TBCK: variants seen among roughly 807,000 people sequenced by gnomAD.
The protein encoded by TBCK is TBC1 domain containing kinase.
A neutral mutation model predicts 113.4 loss-of-function variants in TBCK; 99 were observed. The observed-to-expected ratio is 0.87, with a 90% CI of 0.74 to 1.03. The LOEUF (loss-of-function observed/expected upper bound fraction) is 1.03, where lower values mean the gene tolerates loss of function less well. Among genes scored for constraint, TBCK ranks in the 50% least tolerant of loss-of-function variants. TBCK has a pLI of 0.00. For missense variants in TBCK, 1,045 were observed against 1,061.3 expected (o/e 0.98, Z 0.21); for synonymous variants, 369 against 370.8 (o/e 1.00, Z 0.05).
chr4:106,044,398 T>A lies in TBCK; in HGVS notation c.*2172A>T, dbSNP rs892051188. ...ACAATGTTAGTGAAATCTTGGTATA[T>A]ATTTGTTCTCATTAATTCTCACATT... On this transcript the variant is annotated 3_prime_UTR_variant, in exon 26 of 26. Coordinates refer to ENST00000394708, the MANE Select transcript of TBCK (RefSeq NM_001163435.3). 3 of 152,238 alleles carry A rather than the reference T, an allele frequency of 2.0e-5. No individual in the cohort carries two copies. Among genetic ancestry groups the A allele is most frequent in the African/African-American group, 7.2e-5 (3 of 41,460 alleles). The allele number at this position is 152,238 out of a possible 1,614,324, so 9.4% of individuals were successfully genotyped here. A position where few individuals can be genotyped will look rare whatever the true frequency, so the allele number is the denominator to read the frequency against.
intron 3 of TBCK, among the ~76,000 whole-genome samples, chr4:106,291,578 A>G (rs891512764): frequency 6.6e-6 from 1 of 152,246 alleles, no homozygotes; most frequent in Non-Finnish European, 1.5e-5. Context: ...AAGTCTTCGC[A>G]GTTTTTCAAA....
chr4:106,171,497 A>G (rs1018786861), intron 22 of TBCK, among the ~76,000 whole-genome samples: 1 of 152,078 alleles, frequency 6.6e-6, no homozygotes, highest in Non-Finnish European at 1.5e-5. Flanking sequence ...AAATGTATCT[A>G]CTTATGTTTT....
chr4:106,096,844 T>C (rs1358924731), intron 24 of TBCK, among the ~76,000 whole-genome samples: 1 of 152,216 alleles, frequency 6.6e-6, no homozygotes, highest in African/African-American at 2.4e-5. Context: ...ATAAAATTTG[T>C]TCAGCCATCC....
chr4:106,214,682 A>G (rs974473470), intron 19 of TBCK, among the ~76,000 whole-genome samples: 1 of 152,156 alleles, frequency 6.6e-6, no homozygotes, highest in Non-Finnish European at 1.5e-5. Context: ...ATAAAAAGAA[A>G]CGAGCAAAGC....
At chr4:106,125,391 C>T (rs1745069936) in intron 23 of TBCK, among the ~76,000 whole-genome samples, 1 of 152,012 alleles carries the variant, frequency 6.6e-6, no homozygotes, top group South Asian at 2.1e-4. Flanking sequence ...TACTATTCAG[C>T]CATTAAAAAA....
At chr4:106,279,995 T>C (rs986144259) in intron 3 of TBCK, among the ~76,000 whole-genome samples, 2 of 152,172 alleles carry the variant, frequency 1.3e-5, no homozygotes, top group African/African-American at 4.8e-5. Context: ...TTTAGTTTTG[T>C]TGAGGAACCT....
chr4:106,070,785 G>A (rs761667983), intron 25 of TBCK, among the ~76,000 whole-genome samples: 13 of 151,960 alleles, frequency 8.6e-5, no homozygotes, highest in Non-Finnish European at 1.9e-4. Context: ...GACTTTTTTT[G>A]GTTGGTAGGC....
intron 22 of TBCK, 132 bp from the exon 23 acceptor site, chr4:106,171,402 T>TTA (rs1750995057): frequency 1.6e-6 from 1 of 607,854 alleles, no homozygotes; most frequent in South Asian, 2.5e-5. Context: ...AAAATGTCAG[T>TTA]AAAAAAAACA....
At chr4:106,169,191 T>G (rs1416925934) in intron 23 of TBCK, among the ~76,000 whole-genome samples, 1 of 152,104 alleles carries the variant, frequency 6.6e-6, no homozygotes, top group African/African-American at 2.4e-5. Flanking sequence ...AGCAAGTTAT[T>G]TTGTAGGTAT....
intron 1 of TBCK, among the ~76,000 whole-genome samples, chr4:106,313,207 G>A (rs1768380452): frequency 6.6e-6 from 1 of 152,158 alleles, no homozygotes; most frequent in Admixed American, 6.5e-5. Flanking sequence ...CTATCAACAA[G>A]TTAAAGTGAG....
At chr4:106,236,873 A>T in intron 12 of TBCK, 65 bp from the exon 13 acceptor site, 1 of 914,574 alleles carries the variant, frequency 1.1e-6, no homozygotes, top group Non-Finnish European at 1.6e-6. Context: ...ATCTGTGTTT[A>T]AAAAGACAAG....
intron 24 of TBCK, among the ~76,000 whole-genome samples, chr4:106,107,029 T>TAA (rs56363184): frequency 6.6e-6 from 1 of 150,710 alleles, no homozygotes; most frequent in African/African-American, 2.4e-5. Context: ...AACAACGATT[T>TAA]AAAAAAAAAG....
At chr4:106,231,249 G>C (rs987667787) in intron 18 of TBCK, among the ~76,000 whole-genome samples, 1 of 151,350 alleles carries the variant, frequency 6.6e-6, no homozygotes, top group Non-Finnish European at 1.5e-5. Context: ...ATTGAAAAAG[G>C]GCTGTCAAAA....
At chr4:106,050,538 G>C (rs1181193408) in intron 25 of TBCK, among the ~76,000 whole-genome samples, 1 of 152,010 alleles carries the variant, frequency 6.6e-6, no homozygotes, top group African/African-American at 2.4e-5. Context: ...ACAAAAGGGT[G>C]ACTAGAAAAA....
At chr4:106,171,810 C>T (rs754889536) in intron 22 of TBCK, among the ~76,000 whole-genome samples, 7 of 151,932 alleles carry the variant, frequency 4.6e-5, no homozygotes, top group Non-Finnish European at 1.0e-4. Flanking sequence ...TTTTCAGAAT[C>T]TCAATTCAGC....
chr4:106,135,335 A>G (rs892873939), intron 23 of TBCK, among the ~76,000 whole-genome samples: 1 of 152,076 alleles, frequency 6.6e-6, no homozygotes, highest in Non-Finnish European at 1.5e-5. Flanking sequence ...TATTATAGAT[A>G]AGGAAATTCA....
intron 1 of TBCK, among the ~76,000 whole-genome samples, chr4:106,313,737 G>A (rs1353749581): frequency 6.6e-6 from 1 of 152,208 alleles, no homozygotes; most frequent in Non-Finnish European, 1.5e-5. Flanking sequence ...CAGAGGAATG[G>A]AAGCTTGCTT....
At chr4:106,260,881 A>G (rs1005424010) in intron 4 of TBCK, among the ~76,000 whole-genome samples, 1 of 151,992 alleles carries the variant, frequency 6.6e-6, no homozygotes, top group Non-Finnish European at 1.5e-5. Context: ...ATTTTCACAG[A>G]GCAAATTTTT....
intron 24 of TBCK, among the ~76,000 whole-genome samples, chr4:106,102,312 T>A (rs1265742798): frequency 6.6e-6 from 1 of 152,250 alleles, no homozygotes. Flanking sequence ...CACCTTAATG[T>A]GCTGCTTGTC....
Sources: allele counts gnomAD v4.1 joint callset (sites outside exome capture counted in the v4.1 genomes callset), GRCh38; gene constraint gnomAD v4.1.1; transcripts MANE v1.5; gene names NCBI Gene and HGNC (gene_info 2026-07-23, HGNC 2026-07-21).